UQCC1: variants seen among roughly 807,000 people sequenced by gnomAD.
UQCC1 encodes bFGF-repressed Zic-binding protein.
A neutral mutation model predicts 48.0 loss-of-function variants in UQCC1; 38 were observed. That is an observed-to-expected ratio of 0.79 (90% confidence interval 0.61 to 1.04). The LOEUF is 1.04. UQCC1 is among the 50% of genes least tolerant of loss of function. The pLI is 0.00. For missense variants in UQCC1, 368 were observed against 381.8 expected (o/e 0.96, Z 0.30); for synonymous variants, 111 against 129.2 (o/e 0.86, Z 0.95).
intron 7 of UQCC1, among the ~76,000 whole-genome samples, chr20:35,331,267 A>G (rs1308621338): frequency 2.0e-5 from 3 of 152,120 alleles, no homozygotes; most frequent in African/African-American, 7.2e-5. Context: ...AGGGGGCAAC[A>G]CACACAGTTT....
intron 7 of UQCC1, among the ~76,000 whole-genome samples, chr20:35,320,094 G>A (rs1300422449): frequency 6.6e-6 from 1 of 152,138 alleles, no homozygotes; most frequent in Non-Finnish European, 1.5e-5. Flanking sequence ...TAGTCATACT[G>A]CTGCCAGGAA....
At chr20:35,406,684 T>C (rs2062255445) in intron 1 of UQCC1, among the ~76,000 whole-genome samples, 1 of 152,202 alleles carries the variant, frequency 6.6e-6, no homozygotes, top group South Asian at 2.1e-4. Context: ...AGGTAACTGT[T>C]TAGGTAAATA....
chr20:35,340,737 C>A (rs959131394), intron 7 of UQCC1, among the ~76,000 whole-genome samples: 6 of 152,148 alleles, frequency 3.9e-5, no homozygotes, highest in African/African-American at 1.4e-4. Flanking sequence ...AAAACAATAC[C>A]TTTGGCAGTG....
intron 1 of UQCC1, among the ~76,000 whole-genome samples, chr20:35,399,612 T>G (rs2062130675): frequency 6.6e-6 from 1 of 152,052 alleles, no homozygotes; most frequent in Non-Finnish European, 1.5e-5. Flanking sequence ...TCCCAGCACT[T>G]TGGGAGACCA....
At chr20:35,368,981 A>G (rs1165589552) in intron 5 of UQCC1, among the ~76,000 whole-genome samples, 1 of 152,218 alleles carries the variant, frequency 6.6e-6, no homozygotes, top group East Asian at 1.9e-4. Context: ...ATGCTAGAAC[A>G]AAACATTAAA....
chr20:35,335,425 AG>A (rs1457211793), intron 7 of UQCC1, among the ~76,000 whole-genome samples: 1 of 152,246 alleles, frequency 6.6e-6, no homozygotes, highest in Non-Finnish European at 1.5e-5. Flanking sequence ...TATCCCAAAA[AG>A]GAATGATGTC....
chr20:35,357,906 A>C (rs2061564544), intron 6 of UQCC1, among the ~76,000 whole-genome samples: 1 of 152,096 alleles, frequency 6.6e-6, no homozygotes, highest in Non-Finnish European at 1.5e-5. Context: ...TAAATGCCTA[A>C]ATTTAACATT....
At chr20:35,375,871 C>A (rs2061791261) in intron 4 of UQCC1, among the ~76,000 whole-genome samples, 1 of 137,154 alleles carries the variant, frequency 7.3e-6, no homozygotes, top group African/African-American at 2.8e-5. Context: ...GGAGGCTGAG[C>A]CTGGAAGGCG....
chr20:35,308,172 G>A (rs1374057507), intron 8 of UQCC1, among the ~76,000 whole-genome samples: 1 of 152,264 alleles, frequency 6.6e-6, no homozygotes, highest in Non-Finnish European at 1.5e-5. Flanking sequence ...AGTATGGGGT[G>A]CTGACAGTTT....
intron 5 of UQCC1, among the ~76,000 whole-genome samples, chr20:35,369,352 G>A (rs2061704029): frequency 1.3e-5 from 2 of 152,218 alleles, no homozygotes; most frequent in South Asian, 2.1e-4. Context: ...AAATACAGCA[G>A]ATTCTTTAGT....
rs1370852913 is a variant in UQCC1 at position 35,410,716 on chromosome 20, A to AAAAAAAAAACAAAAAAC, written c.24+1223_24+1224insGTTTTTTGTTTTTTTTT. ...CAAGACTCTGCCTCAAAAAAAAAAA[A>AAAAAAAAAACAAAAAAC]AAAAAAAACAAAACCCTAAAGGGTG... On this transcript the variant is annotated intron_variant, in intron 1 of 9. Transcript: ENST00000374385. Among the ~76,000 whole-genome samples the AAAAAAAAAACAAAAAAC allele has an allele frequency of 1.8e-5, 2 of 108,732 alleles. 1 individual carries two copies. The highest frequency in any genetic ancestry group is 8.6e-4 in the South Asian group (2 of 2,320). 71.3% of individuals were successfully genotyped at this position (108,732 alleles called of 152,430 possible).
chr20:35,321,252 C>CTGTGTGTGTGTGTGTGTG (rs58532328), intron 7 of UQCC1, among the ~76,000 whole-genome samples: 5 of 147,222 alleles, frequency 3.4e-5, no homozygotes, highest in African/African-American at 7.6e-5. Context: ...ACAAACAAAA[C>CTGTGTGTGTGTGTGTGTG]TGTGTGTGTG....
Position 35,347,214 on chromosome 20 carries a change from T to C in UQCC1, c.523A>G (p.Ile175Val), listed in dbSNP as rs1600917328. 1.2e-6 allele frequency: 2 copies of C among 1,614,174 alleles called. No homozygotes were observed. Among genetic ancestry groups the C allele is most frequent in the Non-Finnish European group, 1.7e-6 (2 of 1,180,032 alleles). The change falls in exon 7 of 10, where the codon ATA (isoleucine) becomes GTA (valine). Residue 175 changes from isoleucine (I) to valine (V), a missense_variant. Coordinates refer to ENST00000374385, the MANE Select transcript of UQCC1 (RefSeq NM_018244.5). ...ACATCCTCCCACATAAAATGAACTA[T>C]GATACGACACATGTACTTCCCACTC... Reference protein sequence around the residue: ...GRSGKYMCRIIVHFMWEDVQQ... With the variant: ...GRSGKYMCRIVVHFMWEDVQQ...
chr20:35,404,197 G>A (rs565113516), intron 1 of UQCC1, among the ~76,000 whole-genome samples: 5 of 152,044 alleles, frequency 3.3e-5, no homozygotes, highest in East Asian at 1.9e-4. Context: ...GTGAAATGCC[G>A]TCTCTACTAA....
chr20:35,363,820 A>G (rs1265559402), intron 6 of UQCC1, among the ~76,000 whole-genome samples: 1 of 152,004 alleles, frequency 6.6e-6, no homozygotes, highest in East Asian at 1.9e-4. Context: ...CAGCAAGTCC[A>G]CTGAGTCCTG....
intron 2 of UQCC1, among the ~76,000 whole-genome samples, chr20:35,385,124 G>C (rs1461417038): frequency 6.6e-6 from 1 of 152,080 alleles, no homozygotes; most frequent in African/African-American, 2.4e-5. Flanking sequence ...GCCACTTTTA[G>C]GTTTAAAACC....
In UQCC1 at chr20:35,307,108, GTAGCAGCAATGCTCCCCCTGCTGTCCA is replaced by G. The variant is rs1176390666; in HGVS notation, c.652-356_652-330del. 2.7e-4 allele frequency: 108 copies of G among 396,146 alleles called. 2 individuals carry two copies. Among genetic ancestry groups the G allele is most frequent in the African/African-American group, 9.7e-4 (47 of 48,700 alleles). The allele number at this position is 396,146 out of a possible 1,614,324, so 24.5% of individuals were successfully genotyped here. A position where few individuals can be genotyped will look rare whatever the true frequency, so the allele number is the denominator to read the frequency against. On this transcript the variant is annotated intron_variant, in intron 8 of 9. Coordinates refer to ENST00000374385, the MANE Select transcript of UQCC1 (RefSeq NM_018244.5). ...ACTTGAGAGGCTGAGAAGAGAAACA[GTAGCAGCAATGCTCCCCCTGCTGTCCA>G]TAGCAGCAATGCTCCCCCTGCTGTC...
chr20:35,303,651 G>T lies in UQCC1; in HGVS notation c.*284C>A, dbSNP rs1258386853. The T allele has an allele frequency of 4.7e-6, 2 of 422,356 alleles. No homozygotes were observed. The highest frequency in any genetic ancestry group is 3.2e-5 in the South Asian group (1 of 31,332). The allele number at this position is 422,356 out of a possible 1,614,324, so 26.2% of individuals were successfully genotyped here. The stretch of plus-strand genomic sequence containing the variant: ...GAAAAGCTATCAGTCACATGTAGTT[G>T]CTGGAGGGGGTTGGGGAGTGTGTGC... On this transcript the variant is annotated 3_prime_UTR_variant, in exon 10 of 10. Coordinates refer to ENST00000374385, the MANE Select transcript of UQCC1 (RefSeq NM_018244.5).
chr20:35,312,893 G>A (rs2061009754), intron 8 of UQCC1, among the ~76,000 whole-genome samples: 1 of 152,124 alleles, frequency 6.6e-6, no homozygotes, highest in Non-Finnish European at 1.5e-5. Context: ...TGGTTGCTAG[G>A]GGATATGAGG....
Sources: allele counts gnomAD v4.1 joint callset (sites outside exome capture counted in the v4.1 genomes callset), GRCh38; gene constraint gnomAD v4.1.1; transcripts MANE v1.5; gene names NCBI Gene and HGNC (gene_info 2026-07-23, HGNC 2026-07-21).